The following TNKS2 variants were observed in gnomAD, a reference collection of about 807,000 sequenced individuals.
The protein encoded by TNKS2 is tankyrase 2, also known as poly [ADP-ribose] polymerase tankyrase-2.
A neutral mutation model predicts 137.6 loss-of-function variants in TNKS2; 72 were observed. The ratio of observed to expected loss-of-function variants is 0.52; its 90% CI spans 0.43 to 0.64. The LOEUF (loss-of-function observed/expected upper bound fraction) is 0.64, where lower values mean the gene tolerates loss of function less well. TNKS2 is among the 30% of genes least tolerant of loss of function. TNKS2 has a pLI of 0.00. For missense variants in TNKS2, 1,049 were observed against 1,410.2 expected (o/e 0.74, Z 4.10); for synonymous variants, 516 against 512.1 (o/e 1.01, Z -0.10).
At chr10:91,854,326 G>A (rs1251449375) in intron 21 of TNKS2, among the ~76,000 whole-genome samples, 1 of 152,108 alleles carries the variant, frequency 6.6e-6, no homozygotes, top group South Asian at 2.1e-4. Flanking sequence ...AAGATTTTCT[G>A]AAATATTTCC....
rs79149002 is a variant in TNKS2 at position 91,803,980 on chromosome 10, C to T, written c.199+5091C>T. Among the ~76,000 whole-genome samples the T allele has an allele frequency of 4.5e-3, 682 of 152,276 alleles. 9 individuals carry two copies. Among genetic ancestry groups the T allele is most frequent in the African/African-American group, 0.016 (647 of 41,552 alleles). ...GTCTAAGTTGGTTTCTCTGTAGGAA[C>T]TTGACTGCCTCACAGCTTTTGGGAA... is the stretch of plus-strand genomic sequence containing the variant. On this transcript the variant is annotated intron_variant, in intron 1 of 26. Transcript: ENST00000371627.
At position 91,842,846 on chromosome 10, in the gene TNKS2, A is replaced by G. The variant is rs140545136; in HGVS notation, c.2059+455A>G. On this transcript the variant is annotated intron_variant, in intron 16 of 26. Coordinates refer to ENST00000371627, the MANE Select transcript of TNKS2 (RefSeq NM_025235.4). ...ATACTCTTCAGTGTATTTGTACAGGACGACCGTACTTGAAGCTATTAGCTG... is the reference window on the plus strand; with the variant it reads ...ATACTCTTCAGTGTATTTGTACAGGGCGACCGTACTTGAAGCTATTAGCTG... Among the ~76,000 whole-genome samples the G allele has an allele frequency of 2.0e-3, 303 of 152,324 alleles. 1 individual carries two copies. Among genetic ancestry groups the G allele is most frequent in the African/African-American group, 7.0e-3 (290 of 41,570 alleles).
intron 13 of TNKS2, among the ~76,000 whole-genome samples, chr10:91,839,201 C>G (rs1288659545): frequency 6.6e-6 from 1 of 152,012 alleles, no homozygotes; most frequent in Non-Finnish European, 1.5e-5. Flanking sequence ...TTTAAGCACT[C>G]TGATTTATTA....
intron 18 of TNKS2, among the ~76,000 whole-genome samples, chr10:91,846,926 G>A (rs34091137): frequency 0.089 from 13,554 of 152,284 alleles, 825 homozygotes; most frequent in Admixed American, 0.13. Context: ...TTTAGAGTCA[G>A]ACAGACTGGG....
intron 20 of TNKS2, among the ~76,000 whole-genome samples, chr10:91,850,723 A>G (rs1479939671): frequency 6.6e-6 from 1 of 152,230 alleles, no homozygotes; most frequent in Admixed American, 6.5e-5. Context: ...CCGTCTCAAA[A>G]ATAAAAAAAC....
intron 2 of TNKS2, among the ~76,000 whole-genome samples, 195 bp from the exon 3 acceptor site, chr10:91,816,937 CTT>C (rs1396220470): frequency 6.6e-6 from 1 of 152,070 alleles, no homozygotes; most frequent in Admixed American, 6.6e-5. Context: ...TTTAATGTGT[CTT>C]TAATGCATTA....
chr10:91,831,284 A>G lies in TNKS2; in HGVS notation c.1275+103A>G, dbSNP rs1310237446. 13 of 1,073,236 alleles carry G rather than the reference A, an allele frequency of 1.2e-5. 1 individual carries two copies. Among genetic ancestry groups the G allele is most frequent in the Non-Finnish European group, 1.7e-5 (12 of 719,926 alleles). The allele number at this position is 1,073,236 out of a possible 1,614,324, so 66.5% of individuals were successfully genotyped here. ...AACTATTTACTTTCTCATAAGTATT[A>G]CTTTTTTTTCCTTATAATCTATGCT... On this transcript the variant is annotated intron_variant, in intron 11 of 26. Coordinates refer to ENST00000371627, the MANE Select transcript of TNKS2 (RefSeq NM_025235.4).
In TNKS2 at chr10:91,863,566, T is replaced by C. The variant is rs1302517054; in HGVS notation, c.*567T>C. On this transcript the variant is annotated 3_prime_UTR_variant, in exon 27 of 27. Transcript: ENST00000371627. The stretch of plus-strand genomic sequence containing the variant: ...GATCTTTACATTTGATTCCAGAGGC[T>C]ATGTTCAGTTGTTAGTTGGGAAAGA... The C allele has an allele frequency of 2.0e-5, 3 of 152,446 alleles. No homozygotes were observed. The highest frequency in any genetic ancestry group is 4.4e-5 in the Non-Finnish European group (3 of 68,024). The allele number at this position is 152,446 out of a possible 1,614,324, so 9.4% of individuals were successfully genotyped here.
In TNKS2 at chr10:91,820,018, A is replaced by G. The variant is rs751284754; in HGVS notation, c.713A>G (p.His238Arg). 1.9e-6 allele frequency: 3 copies of G among 1,586,706 alleles called. No individual in the cohort carries two copies. Among genetic ancestry groups the G allele is most frequent in the Non-Finnish European group, 8.6e-7 (1 of 1,167,056 alleles). The change falls in exon 6 of 27, where the codon CAT becomes CGT. Residue 238 changes from histidine (H) to arginine (R), a missense_variant. His to Arg is a conservative substitution (Grantham distance 29). Coordinates refer to ENST00000371627, the MANE Select transcript of TNKS2 (RefSeq NM_025235.4). ...QLLLQHGADVHAKDKGDLVPL... is the reference protein window; with the variant it reads ...QLLLQHGADVRAKDKGDLVPL... Reference sequence around the variant, plus strand: ...TTACTGCAACATGGAGCTGATGTCCATGCTAAAGATAAAGGGTAAGCATTT... The same window carrying G: ...TTACTGCAACATGGAGCTGATGTCCGTGCTAAAGATAAAGGGTAAGCATTT...
At chr10:91,838,116 A>G (rs1257940676) in intron 13 of TNKS2, among the ~76,000 whole-genome samples, 1 of 138,908 alleles carries the variant, frequency 7.2e-6, no homozygotes, top group Non-Finnish European at 1.5e-5. Flanking sequence ...ATTCTCTTAC[A>G]TATATTAAAG....
At chr10:91,803,625 C>T (rs1409317395) in intron 1 of TNKS2, among the ~76,000 whole-genome samples, 1 of 152,146 alleles carries the variant, frequency 6.6e-6, no homozygotes, top group Non-Finnish European at 1.5e-5. Flanking sequence ...CAGAGGGAAA[C>T]CTTGTAACAC....
chr10:91,855,442 C>T (rs1054355527), intron 22 of TNKS2, among the ~76,000 whole-genome samples, 172 bp from the exon 23 acceptor site: 31 of 152,166 alleles, frequency 2.0e-4, no homozygotes, highest in Non-Finnish European at 1.5e-5. Flanking sequence ...CCTGCCTCGG[C>T]CTCCCAAAGT....
At chr10:91,822,464 T>C (rs1844920977) in intron 7 of TNKS2, 102 bp downstream of exon 7, 2 of 917,912 alleles carry the variant, frequency 2.2e-6, no homozygotes, top group Admixed American at 2.2e-5. Context: ...GTGTTCTTAG[T>C]GCTTAAAAAA....
chr10:91,839,167 A>AAGAT (rs1486108251), intron 13 of TNKS2, among the ~76,000 whole-genome samples: 1 of 151,840 alleles, frequency 6.6e-6, no homozygotes, highest in Non-Finnish European at 1.5e-5. Flanking sequence ...TGCCCGGCCT[A>AAGAT]AGATAGATAT....
intron 12 of TNKS2, 54 bp from the exon 13 acceptor site, chr10:91,836,865 G>C (rs1842037548): frequency 6.4e-7 from 1 of 1,572,212 alleles, no homozygotes; most frequent in African/African-American, 1.4e-5. Flanking sequence ...ATAAAGCTTG[G>C]TTCCATCTTC....
At chr10:91,853,251 A>G (rs1454781899) in intron 21 of TNKS2, among the ~76,000 whole-genome samples, 3 of 152,326 alleles carry the variant, frequency 2.0e-5, no homozygotes, top group Admixed American at 6.5e-5. Flanking sequence ...TTGCCTCCAA[A>G]TGGCAGAGGT....
chr10:91,858,452 A>T (rs1842769495), intron 24 of TNKS2, among the ~76,000 whole-genome samples: 1 of 152,240 alleles, frequency 6.6e-6, no homozygotes, highest in Non-Finnish European at 1.5e-5. Flanking sequence ...GATTCTATTC[A>T]TCTGTATTTC....
chr10:91,839,724 T>C (rs1472098922), intron 13 of TNKS2, among the ~76,000 whole-genome samples: 1 of 152,172 alleles, frequency 6.6e-6, no homozygotes, highest in African/African-American at 2.4e-5. Flanking sequence ...CACTGAAAAT[T>C]TGAGGGTTGG....
In TNKS2 at chr10:91,822,583, T is replaced by TTTTG. The variant is rs1844926799; in HGVS notation, c.795+223_795+224insTGTT. Among the ~76,000 whole-genome samples the TTTTG allele has an allele frequency of 3.2e-5, 4 of 123,374 alleles. No homozygotes were observed. In the South Asian group the frequency reaches 1.3e-3, roughly 39 times the overall value. 80.9% of individuals were successfully genotyped at this position (123,374 alleles called of 152,430 possible). ...GTTTTGTTTTGTTTTGTTTTGTTTTTTTGAGACAAGGTCTCACTCTTGCCC... is the reference window on the plus strand; with the variant it reads ...GTTTTGTTTTGTTTTGTTTTGTTTTTTTTGTTGAGACAAGGTCTCACTCTTGCCC... On this transcript the variant is annotated intron_variant, in intron 7 of 26. Coordinates refer to ENST00000371627, the MANE Select transcript of TNKS2 (RefSeq NM_025235.4).
Sources: gnomAD v4.1 joint callset for allele counts (sites outside exome capture counted in the v4.1 genomes callset) on GRCh38, gnomAD v4.1.1 for gene constraint, MANE v1.5 for transcripts, NCBI Gene and HGNC (gene_info 2026-07-23, HGNC 2026-07-21) for gene names.